Variants in FHAD1 observed in about 807,000 individuals in gnomAD.
FHAD1 encodes the protein forkhead associated phosphopeptide binding domain 1.
FHAD1 carries 146 observed loss-of-function variants against 191.3 expected under a neutral mutation model. That is an observed-to-expected ratio of 0.76 (90% CI 0.67 to 0.88). The LOEUF is 0.88. Ranked by LOEUF, FHAD1 falls within the 40% of genes least tolerant of loss-of-function variation. The pLI is 0.00. For synonymous variants in FHAD1, 616 were observed against 672.3 expected (o/e 0.92, Z 1.29); for missense variants, 1,635 against 1,785.8 (o/e 0.92, Z 1.52).
intron 26 of FHAD1, among the ~76,000 whole-genome samples, chr1:15,370,775 GC>G (rs745954618): frequency 3.4e-4 from 52 of 152,308 alleles, no homozygotes; most frequent in Non-Finnish European, 6.2e-4. Context: ...GTTCCTCAAG[GC>G]CCTGGTTTCC....
At chr1:15,307,003 G>A (rs753737480) in intron 6 of FHAD1, among the ~76,000 whole-genome samples, 14 of 152,192 alleles carry the variant, frequency 9.2e-5, no homozygotes, top group South Asian at 4.1e-4. Context: ...TGGAAAAGCC[G>A]CAGACACTCA....
chr1:15,305,378 G>C (rs757540756), intron 6 of FHAD1, among the ~76,000 whole-genome samples: 80 of 152,218 alleles, frequency 5.3e-4, no homozygotes, highest in Middle Eastern at 3.4e-3. Context: ...CATGCTCCAC[G>C]GCCTCAGGCT....
chr1:15,352,957 G>A lies in FHAD1; in HGVS notation c.2535G>A (p.Leu845=), dbSNP rs2102493009. The change falls in exon 20 of 34, where the codon CTG becomes CTA. Residue 845 remains leucine (L), a synonymous_variant. Coordinates refer to ENST00000688493, the MANE Select transcript of FHAD1 (RefSeq NM_001391957.1). ...AGGAAAAGAAAAAGGTGCAAGACCT[G>A]GAGAATCGCTTAACCAAGCAGAAAG... ...MEKEKKKVQD[L]ENRLTKQKEE... 6.4e-7 allele frequency: 1 copy of A among 1,551,322 alleles called. No homozygotes were observed. Among genetic ancestry groups the A allele is most frequent in the Non-Finnish European group, 8.7e-7 (1 of 1,146,906 alleles).
Position 15,296,738 on chromosome 1 carries a change from G to A in FHAD1, c.623G>A (p.Gly208Glu), listed in dbSNP as rs1429054075. ...AAATCAGTGGCCGAGGGGATTCCTGGGGCAGTTCCCCCTGCGGAGATTTAT... is the reference window on the plus strand; with the variant it reads ...AAATCAGTGGCCGAGGGGATTCCTGAGGCAGTTCCCCCTGCGGAGATTTAT... ...SEKSVAEGIP[G>E]AVPPAEIYVE... is the part of the protein sequence containing the mutation. The change falls in exon 5 of 34, where the codon GGG (glycine) becomes GAG (glutamate). Residue 208 changes from glycine to glutamate, a missense_variant. By Grantham distance (98) the Gly-to-Glu change is moderately conservative. Transcript: ENST00000688493. 1 of 1,551,918 alleles carries A rather than the reference G, an allele frequency of 6.4e-7. No individual in the cohort carries two copies. The highest frequency in any genetic ancestry group is 8.7e-7 in the Non-Finnish European group (1 of 1,147,060).
chr1:15,375,988 C>A (rs1187020476), intron 28 of FHAD1, among the ~76,000 whole-genome samples: 1 of 150,870 alleles, frequency 6.6e-6, no homozygotes, highest in African/African-American at 2.4e-5. Flanking sequence ...TGGCGGGCCC[C>A]CTTTCCAGAT....
intron 14 of FHAD1, 40 bp from the exon 15 acceptor site, chr1:15,339,441 G>C (rs755066940): frequency 6.7e-5 from 68 of 1,021,750 alleles, no homozygotes; most frequent in Admixed American, 2.8e-4. Flanking sequence ...CTTTGGAGTT[G>C]AATTGATACT....
chr1:15,396,194 C>T (rs1304542954), intron 33 of FHAD1, among the ~76,000 whole-genome samples: 1 of 152,042 alleles, frequency 6.6e-6, no homozygotes, highest in East Asian at 1.9e-4. Context: ...GTGGTGCACA[C>T]CTATAGTCCC....
At chr1:15,331,102 T>C (rs1339247397) in intron 14 of FHAD1, among the ~76,000 whole-genome samples, 1 of 152,032 alleles carries the variant, frequency 6.6e-6, no homozygotes, top group African/African-American at 2.4e-5. Flanking sequence ...TTCTGGTGTG[T>C]GTAAAAGACG....
intron 11 of FHAD1, chr1:15,324,789 G>A (rs935173991): frequency 7.5e-6 from 4 of 531,644 alleles, no homozygotes; most frequent in African/African-American, 3.8e-5. Flanking sequence ...ACGATGACCC[G>A]AGACCCGGAC....
chr1:15,337,380 T>C (rs956081064), intron 14 of FHAD1, among the ~76,000 whole-genome samples: 1 of 152,188 alleles, frequency 6.6e-6, no homozygotes, highest in Non-Finnish European at 1.5e-5. Context: ...TTAAAAGGCT[T>C]TCCCTTTCTT....
At chr1:15,377,296 A>C (rs576023241) in intron 28 of FHAD1, among the ~76,000 whole-genome samples, 3 of 152,194 alleles carry the variant, frequency 2.0e-5, no homozygotes, top group East Asian at 1.9e-4. Context: ...ATCAAACCCT[A>C]CTTCCCTGAG....
chr1:15,266,320 G>A (rs79326987), intron 2 of FHAD1, among the ~76,000 whole-genome samples: 2,556 of 151,738 alleles, frequency 0.017, 68 homozygotes, highest in African/African-American at 0.058. Context: ...TGTTGCCTAG[G>A]CTGATCTTGA....
chr1:15,265,439 C>CA (rs1281804623), intron 2 of FHAD1, among the ~76,000 whole-genome samples: 24 of 152,178 alleles, frequency 1.6e-4, no homozygotes, highest in Admixed American at 1.6e-3. Flanking sequence ...CTACTAACAT[C>CA]AGTTTTTTGC....
chr1:15,398,799 T>A (rs1194082591), downstream of FHAD1, among the ~76,000 whole-genome samples: 4 of 137,036 alleles, frequency 2.9e-5, no homozygotes, highest in African/African-American at 5.3e-5. Context: ...AAAAAAAAAA[T>A]GGAAGAGCCA....
intron 5 of FHAD1, among the ~76,000 whole-genome samples, chr1:15,298,143 C>T (rs1176708663): frequency 6.6e-6 from 1 of 152,140 alleles, no homozygotes; most frequent in Non-Finnish European, 1.5e-5. Context: ...GCCCATCAAT[C>T]AACGAGTGGA....
chr1:15,381,028 G>A lies in FHAD1; in HGVS notation c.3802-203G>A, dbSNP rs1014101429. Reference sequence around the variant, plus strand: ...ATATCTGTTGTCATTTTTCACCCCCGGTTCTCAAAAAAGGCATAGCGTAAA... The same window carrying A: ...ATATCTGTTGTCATTTTTCACCCCCAGTTCTCAAAAAAGGCATAGCGTAAA... On this transcript the variant is annotated intron_variant, in intron 29 of 33. Coordinates refer to ENST00000688493, the MANE Select transcript of FHAD1 (RefSeq NM_001391957.1). This position sits in a 1 kb window ranked among gnomAD's most constrained non-coding sequence, Gnocchi z 4.6. Among the ~76,000 whole-genome samples, 7 of 152,096 alleles carry A rather than the reference G, an allele frequency of 4.6e-5. No individual in the cohort carries two copies. The highest frequency in any genetic ancestry group is 2.0e-4 in the Admixed American group (3 of 15,264).
At chr1:15,332,139 A>C (rs1681896643) in intron 14 of FHAD1, among the ~76,000 whole-genome samples, 1 of 152,196 alleles carries the variant, frequency 6.6e-6, no homozygotes, top group Non-Finnish European at 1.5e-5. Context: ...AGCAAAACCA[A>C]CATTAATTTT....
At chr1:15,340,012 G>A (rs1685887419) in intron 15 of FHAD1, among the ~76,000 whole-genome samples, 1 of 152,122 alleles carries the variant, frequency 6.6e-6, no homozygotes, top group Non-Finnish European at 1.5e-5. Flanking sequence ...TTTTAGTAGA[G>A]ACAGGGTTTC....
At chr1:15,396,639 A>G (rs1477401028) in intron 33 of FHAD1, among the ~76,000 whole-genome samples, 3 of 151,636 alleles carry the variant, frequency 2.0e-5, no homozygotes, top group Admixed American at 6.6e-5. Flanking sequence ...TGAAACCCCC[A>G]TCTCTACTAA....
Sources: allele counts gnomAD v4.1 joint callset (sites outside exome capture counted in the v4.1 genomes callset), GRCh38; gene constraint gnomAD v4.1.1; non-coding constraint Gnocchi (gnomAD v3.1); transcripts MANE v1.5; gene names NCBI Gene and HGNC (gene_info 2026-07-23, HGNC 2026-07-21).